The following MAN1A2 variants were observed in gnomAD, a reference collection of about 807,000 sequenced individuals.
MAN1A2 encodes the protein mannosidase alpha class 1A member 2.
A neutral mutation model predicts 75.7 loss-of-function variants in MAN1A2; 26 were observed. The ratio of observed to expected loss-of-function variants is 0.34; its 90% CI spans 0.25 to 0.48. MAN1A2 has a LOEUF of 0.48. Among genes scored for constraint, MAN1A2 ranks in the 20% least tolerant of loss-of-function variants. MAN1A2 has a pLI of 0.99. For synonymous variants in MAN1A2, 247 were observed against 264.6 expected, an observed-to-expected ratio of 0.93 and a Z score of 0.65; for missense variants, 562 against 775.5, an observed-to-expected ratio of 0.72 and a Z score of 3.27.
At chr1:117,469,309 A>G (rs754003950) in intron 8 of MAN1A2, among the ~76,000 whole-genome samples, 1 of 152,172 alleles carries the variant, frequency 6.6e-6, no homozygotes. Context: ...AAATTAACTC[A>G]AAACAGATCA....
At chr1:117,386,948 G>A (rs1653547143) in intron 1 of MAN1A2, among the ~76,000 whole-genome samples, 1 of 151,952 alleles carries the variant, frequency 6.6e-6, no homozygotes, top group African/African-American at 2.4e-5. Context: ...GTGAAAAGGT[G>A]CCCGGTAGCA....
chr1:117,497,635 T>G (rs767339108), intron 10 of MAN1A2, among the ~76,000 whole-genome samples: 1 of 151,888 alleles, frequency 6.6e-6, no homozygotes, highest in African/African-American at 2.4e-5. Context: ...GATATACATA[T>G]AGTCATAAAT....
intron 1 of MAN1A2, among the ~76,000 whole-genome samples, chr1:117,397,269 A>G (rs148976956): frequency 1.3e-5 from 2 of 152,332 alleles, no homozygotes; most frequent in East Asian, 3.9e-4. Context: ...ATGTGTTTGA[A>G]TAAGGCTCTT....
chr1:117,382,641 C>G (rs1478475049), intron 1 of MAN1A2, among the ~76,000 whole-genome samples: 1 of 152,080 alleles, frequency 6.6e-6, no homozygotes, highest in Non-Finnish European at 1.5e-5. Flanking sequence ...GTTCTTTTGG[C>G]TTAGGATTGA....
At chr1:117,382,951 A>C (rs962391749) in intron 1 of MAN1A2, among the ~76,000 whole-genome samples, 3 of 152,162 alleles carry the variant, frequency 2.0e-5, no homozygotes, top group Admixed American at 6.6e-5. Flanking sequence ...GGGATTTACT[A>C]TCTGTAGGAT....
At chr1:117,424,293 G>C (rs1253458133) in intron 5 of MAN1A2, among the ~76,000 whole-genome samples, 1 of 152,122 alleles carries the variant, frequency 6.6e-6, no homozygotes, top group African/African-American at 2.4e-5. Flanking sequence ...CTACAAAGTT[G>C]AATAGTAATG....
intron 10 of MAN1A2, among the ~76,000 whole-genome samples, chr1:117,498,161 C>T (rs867645721): frequency 4.6e-5 from 7 of 151,674 alleles, no homozygotes; most frequent in African/African-American, 1.2e-4. Flanking sequence ...ATAATGGCAG[C>T]GATCTGAGTT....
intron 1 of MAN1A2, among the ~76,000 whole-genome samples, chr1:117,396,384 A>G (rs181222579): frequency 3.3e-5 from 5 of 152,364 alleles, no homozygotes; most frequent in Non-Finnish European, 7.3e-5. Flanking sequence ...CTACACAGGA[A>G]GATACAAGAC....
intron 12 of MAN1A2, among the ~76,000 whole-genome samples, chr1:117,520,473 C>G (rs1483647944): frequency 6.6e-6 from 1 of 152,054 alleles, no homozygotes; most frequent in East Asian, 1.9e-4. Context: ...AGCAAAGTTT[C>G]CAGATACAAA....
At chr1:117,403,260 G>T (rs899955602) in intron 2 of MAN1A2, among the ~76,000 whole-genome samples, 4 of 152,154 alleles carry the variant, frequency 2.6e-5, no homozygotes, top group Non-Finnish European at 5.9e-5. Context: ...GATATGGAAG[G>T]TATAGCAGAT....
At chr1:117,517,608 AAT>A (rs1288983032) in intron 12 of MAN1A2, among the ~76,000 whole-genome samples, 1 of 152,134 alleles carries the variant, frequency 6.6e-6, no homozygotes, top group East Asian at 1.9e-4. Context: ...AAAAAATAAG[AAT>A]CTTATAAAAA....
At chr1:117,387,139 A>T (rs1653554286) in intron 1 of MAN1A2, among the ~76,000 whole-genome samples, 1 of 152,020 alleles carries the variant, frequency 6.6e-6, no homozygotes, top group Non-Finnish European at 1.5e-5. Context: ...AAAGATGCTC[A>T]ACACCACTAA....
intron 8 of MAN1A2, among the ~76,000 whole-genome samples, chr1:117,472,270 T>C (rs1650184268): frequency 6.6e-6 from 1 of 152,018 alleles, no homozygotes; most frequent in Admixed American, 6.6e-5. Flanking sequence ...AAATAAACTA[T>C]TCAAATATAG....
intron 8 of MAN1A2, among the ~76,000 whole-genome samples, chr1:117,472,327 G>T (rs1234678657): frequency 1.3e-5 from 2 of 151,722 alleles, no homozygotes; most frequent in Non-Finnish European, 1.5e-5. Flanking sequence ...AAATATTAGG[G>T]TATATATATA....
At chr1:117,389,462 A>G (rs1464247872) in intron 1 of MAN1A2, among the ~76,000 whole-genome samples, 2 of 152,146 alleles carry the variant, frequency 1.3e-5, no homozygotes, top group Non-Finnish European at 2.9e-5. Flanking sequence ...TCTGACAGTT[A>G]TGTGGAATGC....
chr1:117,444,453 G>A (rs1649145173), intron 6 of MAN1A2, among the ~76,000 whole-genome samples: 1 of 151,474 alleles, frequency 6.6e-6, no homozygotes, highest in African/African-American at 2.4e-5. Context: ...CTGGATCAAA[G>A]GGATATGTAT....
At chr1:117,510,183 G>A (rs1039271059) in intron 12 of MAN1A2, among the ~76,000 whole-genome samples, 2 of 151,824 alleles carry the variant, frequency 1.3e-5, no homozygotes, top group Non-Finnish European at 2.9e-5. Flanking sequence ...ATATATCTCT[G>A]CTCCCTGTGT....
At chr1:117,418,448 A>G (rs866682783) in intron 4 of MAN1A2, among the ~76,000 whole-genome samples, 1 of 151,930 alleles carries the variant, frequency 6.6e-6, no homozygotes. Context: ...TGGATATACA[A>G]CTCTGTCTTA....
At chr1:117,440,538 A>T (rs1327807120) in intron 5 of MAN1A2, among the ~76,000 whole-genome samples, 1 of 152,150 alleles carries the variant, frequency 6.6e-6, no homozygotes, top group African/African-American at 2.4e-5. Context: ...ATATTTATAA[A>T]TTAAGATTTA....
Sources: allele counts gnomAD v4.1 joint callset (sites outside exome capture counted in the v4.1 genomes callset), GRCh38; gene constraint gnomAD v4.1.1; transcripts MANE v1.5; gene names NCBI Gene and HGNC (gene_info 2026-07-23, HGNC 2026-07-21).